Variants in GNA12 observed in about 807,000 individuals in gnomAD.
GNA12 encodes G protein subunit alpha 12, also known as guanine nucleotide-binding protein subunit alpha-12.
A neutral mutation model predicts 26.0 loss-of-function variants in GNA12; 9 were observed. The observed-to-expected ratio is 0.35, with a 90% CI of 0.21 to 0.60. The LOEUF is 0.60. Ranked by LOEUF, GNA12 falls within the 20% of genes least tolerant of loss-of-function variation. GNA12 has a pLI of 0.78. For synonymous variants in GNA12, 264 were observed against 219.6 expected, an observed-to-expected ratio of 1.20 and a Z score of -1.79; for missense variants, 405 against 525.8, an observed-to-expected ratio of 0.77 and a Z score of 2.25.
intron 1 of GNA12, among the ~76,000 whole-genome samples, chr7:2,820,713 A>G (rs1793330903): frequency 6.6e-6 from 1 of 152,158 alleles, no homozygotes. Context: ...GTAATCTTCC[A>G]AAGAGGAAAC....
At chr7:2,756,033 C>T (rs996993885) in intron 2 of GNA12, among the ~76,000 whole-genome samples, 7 of 152,106 alleles carry the variant, frequency 4.6e-5, no homozygotes, top group African/African-American at 1.4e-4. Context: ...AGAAGAACAA[C>T]GTTTTCATAA....
intron 2 of GNA12, among the ~76,000 whole-genome samples, chr7:2,757,153 T>TTTTTTTTTTTTA: frequency 8.3e-6 from 1 of 120,112 alleles, no homozygotes; most frequent in African/African-American, 3.1e-5. Flanking sequence ...TTTTTTTTTT[T>TTTTTTTTTTTTA]GAGACGGAGT....
At chr7:2,837,641 T>C (rs1050025447) in intron 1 of GNA12, among the ~76,000 whole-genome samples, 26 of 152,168 alleles carry the variant, frequency 1.7e-4, no homozygotes, top group African/African-American at 6.3e-4. Flanking sequence ...GACAGTAGAT[T>C]TCTCTTCTGA....
At chr7:2,785,825 TC>T (rs1203013903) in intron 2 of GNA12, among the ~76,000 whole-genome samples, 4 of 152,142 alleles carry the variant, frequency 2.6e-5, no homozygotes, top group Non-Finnish European at 4.4e-5. Context: ...GGTGGGTGGA[TC>T]ACCTGAGTTC....
At chr7:2,811,456 C>T (rs898450724) in intron 1 of GNA12, among the ~76,000 whole-genome samples, 3 of 152,228 alleles carry the variant, frequency 2.0e-5, no homozygotes, top group African/African-American at 7.2e-5. Context: ...TCCAGAGGTA[C>T]AGGAGAATAA....
In GNA12 at chr7:2,731,840, A is replaced by G. The variant is rs889897945; in HGVS notation, c.577-90T>C. 7 of 688,012 alleles carry G rather than the reference A, an allele frequency of 1.0e-5. No homozygotes were observed. In the African/African-American group the frequency reaches 1.2e-4, roughly 12 times the overall value. 42.6% of individuals were successfully genotyped at this position (688,012 alleles called of 1,614,324 possible). On this transcript the variant is annotated intron_variant, in intron 3 of 3. Transcript: ENST00000275364. The surrounding 1 kb of genome is among the most constrained non-coding windows in gnomAD (Gnocchi z 6.0). ...AAAAGATGGCAAAAAGATAAGAAGG[A>G]AAGAGACTGACTTTTGCAACAGGTT...
At chr7:2,757,543 G>C (rs772689248) in intron 2 of GNA12, among the ~76,000 whole-genome samples, 1 of 152,188 alleles carries the variant, frequency 6.6e-6, no homozygotes, top group African/African-American at 2.4e-5. Context: ...ACAAGCCTTA[G>C]ATGGGAACGC....
chr7:2,795,189 ACTAAACC>A, intron 1 of GNA12, 46 bp from the exon 2 acceptor site: 3 of 1,430,242 alleles, frequency 2.1e-6, no homozygotes, highest in Non-Finnish European at 2.0e-6. Context: ...CATTCCAAAG[ACTAAACC>A]ACGCTAGAGA....
intron 1 of GNA12, among the ~76,000 whole-genome samples, chr7:2,806,805 A>T (rs1041326282): frequency 1.3e-5 from 2 of 152,228 alleles, no homozygotes; most frequent in African/African-American, 4.8e-5. Context: ...GGACATCGGA[A>T]TTCTTTCCAG....
intron 2 of GNA12, among the ~76,000 whole-genome samples, chr7:2,788,704 G>A (rs1792428751): frequency 6.6e-6 from 1 of 152,224 alleles, no homozygotes; most frequent in African/African-American, 2.4e-5. Flanking sequence ...AGCAGATGGG[G>A]TGATGAACAG....
intron 3 of GNA12, among the ~76,000 whole-genome samples, chr7:2,733,211 G>C (rs1789987909): frequency 6.6e-6 from 1 of 152,186 alleles, no homozygotes; most frequent in Non-Finnish European, 1.5e-5. Flanking sequence ...TTTCACTCAT[G>C]AACTCCTCTG....
chr7:2,795,277 T>C (rs1792630435), intron 1 of GNA12, 134 bp from the exon 2 acceptor site: 1 of 683,362 alleles, frequency 1.5e-6, no homozygotes, highest in Admixed American at 2.6e-5. Flanking sequence ...CCTGAGTCTG[T>C]CTCTTGGTTT....
chr7:2,834,918 T>C (rs1431178969), intron 1 of GNA12, among the ~76,000 whole-genome samples: 1 of 152,206 alleles, frequency 6.6e-6, no homozygotes, highest in Non-Finnish European at 1.5e-5. Context: ...ATGCATTTCC[T>C]GGACGGGATC....
intron 1 of GNA12, among the ~76,000 whole-genome samples, chr7:2,807,191 C>T (rs1358559354): frequency 6.6e-6 from 1 of 152,132 alleles, no homozygotes; most frequent in Non-Finnish European, 1.5e-5. Flanking sequence ...TGTATGTATA[C>T]TGACAACTGA....
chr7:2,812,717 A>G lies in GNA12; in HGVS notation c.310-17574T>C, dbSNP rs187999735. On this transcript the variant is annotated intron_variant, in intron 1 of 3. Transcript: ENST00000275364. ...ACATCAGGGGCTTTGTGCTCCTGTC[A>G]GTCACAGCCACCTTCTACGATGGTG... 7.1e-4 allele frequency among the ~76,000 whole-genome samples: 107 copies of G among 151,344 alleles called. 1 individual carries two copies. Among genetic ancestry groups the G allele is most frequent in the East Asian group, 1.7e-3 (9 of 5,160 alleles).
chr7:2,777,649 C>G (rs1583273093), intron 2 of GNA12, among the ~76,000 whole-genome samples: 1 of 152,186 alleles, frequency 6.6e-6, no homozygotes, highest in East Asian at 1.9e-4. Context: ...AGGTGGCTGT[C>G]TGCAAGTCAG....
At position 2,782,351 on chromosome 7, in the gene GNA12, G is replaced by T. The variant is rs1389899600; in HGVS notation, c.525+12577C>A. On this transcript the variant is annotated intron_variant, in intron 2 of 3. Coordinates refer to ENST00000275364, the MANE Select transcript of GNA12 (RefSeq NM_007353.3). ...TTCCATCAGAAATCACATTCTTCCT[G>T]TTTCAAGTGTAGTTCCTATGATTCC... 2.6e-5 allele frequency among the ~76,000 whole-genome samples: 4 copies of T among 152,280 alleles called. No homozygotes were observed. In the South Asian group the frequency reaches 8.3e-4, roughly 32 times the overall value.
chr7:2,824,920 A>C (rs1290047912), intron 1 of GNA12, among the ~76,000 whole-genome samples: 2 of 152,218 alleles, frequency 1.3e-5, no homozygotes, highest in Non-Finnish European at 2.9e-5. Context: ...AGGCACAGGA[A>C]GTCCAAGAAC....
intron 1 of GNA12, among the ~76,000 whole-genome samples, chr7:2,795,701 T>C (rs1321214841): frequency 6.6e-6 from 1 of 151,858 alleles, no homozygotes; most frequent in Non-Finnish European, 1.5e-5. Context: ...AGAAGTCTGC[T>C]TTCTGCTATC....
Sources: allele counts gnomAD v4.1 joint callset (sites outside exome capture counted in the v4.1 genomes callset), GRCh38; gene constraint gnomAD v4.1.1; non-coding constraint Gnocchi (gnomAD v3.1); transcripts MANE v1.5; gene names NCBI Gene and HGNC (gene_info 2026-07-23, HGNC 2026-07-21).